Variants in PCDH7 observed in about 807,000 individuals in gnomAD.
The protein encoded by PCDH7 is protocadherin-7.
Under a neutral mutation model 58.9 loss-of-function variants are expected in PCDH7, and 17 were observed. The observed-to-expected ratio is 0.29, with a 90% CI of 0.20 to 0.43. PCDH7 has a LOEUF of 0.43. Ranked by LOEUF, PCDH7 falls within the 20% of genes least tolerant of loss-of-function variation. The pLI is 1.00. For missense variants in PCDH7, 1,274 were observed against 1,441.0 expected (o/e 0.88, Z 1.88); for synonymous variants, 664 against 616.4 (o/e 1.08, Z -1.14).
At chr4:31,092,508 T>C (rs925859691) in intron 3 of PCDH7, among the ~76,000 whole-genome samples, 5 of 152,070 alleles carry the variant, frequency 3.3e-5, no homozygotes, top group Non-Finnish European at 5.9e-5. Context: ...CCAATGGTTC[T>C]TAACTGATGT....
chr4:30,946,690 T>TTGTGTGTGTGTGTGTG (rs112524366), intron 2 of PCDH7, among the ~76,000 whole-genome samples: 7,644 of 137,480 alleles, frequency 0.056, 270 homozygotes, highest in Non-Finnish European at 0.068. Flanking sequence ...CTTATCTCTT[T>TTGTGTGTGTGTGTGTG]TGTGTGTGTG....
At chr4:30,941,530 T>C (rs759718397) in intron 2 of PCDH7, among the ~76,000 whole-genome samples, 13 of 151,964 alleles carry the variant, frequency 8.6e-5, no homozygotes, top group Non-Finnish European at 1.5e-4. Context: ...AAAGTTAGAA[T>C]ACAGTAGTTG....
At chr4:30,875,829 A>G (rs1306434571) in intron 1 of PCDH7, among the ~76,000 whole-genome samples, 1 of 152,120 alleles carries the variant, frequency 6.6e-6, no homozygotes, top group African/African-American at 2.4e-5. Flanking sequence ...TCACTTAGCA[A>G]AGATTTATTA....
At chr4:30,911,385 T>C (rs1298408878) in intron 1 of PCDH7, among the ~76,000 whole-genome samples, 1 of 143,468 alleles carries the variant, frequency 7.0e-6, no homozygotes, top group East Asian at 2.2e-4. Flanking sequence ...AGATGTTCTA[T>C]GGCTGTTTTT....
chr4:30,838,359 G>C (rs1486982151), intron 1 of PCDH7, among the ~76,000 whole-genome samples: 1 of 151,854 alleles, frequency 6.6e-6, no homozygotes, highest in African/African-American at 2.4e-5. Flanking sequence ...TCCTTTTCTG[G>C]AATGAACTCT....
At chr4:30,973,082 A>T (rs1303048992) in intron 3 of PCDH7, among the ~76,000 whole-genome samples, 3 of 152,238 alleles carry the variant, frequency 2.0e-5, no homozygotes, top group Non-Finnish European at 4.4e-5. Flanking sequence ...ATTCCCAAAA[A>T]ATGTGGAAAT....
At chr4:31,038,204 A>G (rs762554103) in intron 3 of PCDH7, among the ~76,000 whole-genome samples, 8 of 152,244 alleles carry the variant, frequency 5.3e-5, no homozygotes, top group Non-Finnish European at 1.0e-4. Context: ...AGATTGTTTG[A>G]TATCTAGTAT....
intron 1 of PCDH7, among the ~76,000 whole-genome samples, chr4:30,880,927 C>A (rs982283426): frequency 3.4e-4 from 51 of 152,044 alleles, no homozygotes; most frequent in Non-Finnish European, 6.9e-4. Context: ...TGGGTAGCTT[C>A]TTTTGTTTTC....
intron 1 of PCDH7, among the ~76,000 whole-genome samples, chr4:30,804,442 G>A (rs768302380): frequency 5.3e-5 from 8 of 151,938 alleles, no homozygotes; most frequent in Non-Finnish European, 8.8e-5. Context: ...AGGAGGCTGA[G>A]GCAGGGGAAT....
intron 3 of PCDH7, among the ~76,000 whole-genome samples, chr4:31,063,287 T>G (rs1757834012): frequency 6.6e-6 from 1 of 151,890 alleles, no homozygotes; most frequent in South Asian, 2.1e-4. Context: ...ATAACATAAC[T>G]TTAATACATG....
chr4:30,895,449 T>C (rs6817721), intron 1 of PCDH7, among the ~76,000 whole-genome samples: 20,508 of 152,052 alleles, frequency 0.13, 1,577 homozygotes, highest in African/African-American at 0.2. Context: ...ATGATGTATT[T>C]CTAATGTAGG....
At chr4:30,823,563 A>G (rs568316437) in intron 1 of PCDH7, among the ~76,000 whole-genome samples, 44 of 152,202 alleles carry the variant, frequency 2.9e-4, no homozygotes, top group African/African-American at 9.6e-4. Context: ...AGTCCCTGCA[A>G]ATTCAAATAT....
At chr4:30,751,173 C>A (rs997560220) in intron 1 of PCDH7, among the ~76,000 whole-genome samples, 1 of 152,220 alleles carries the variant, frequency 6.6e-6, no homozygotes, top group East Asian at 1.9e-4. Flanking sequence ...TTAAAAACTA[C>A]TTCCAACTTC....
chr4:31,116,332 A>G (rs1399408523), intron 3 of PCDH7, among the ~76,000 whole-genome samples: 5 of 152,216 alleles, frequency 3.3e-5, no homozygotes, highest in African/African-American at 1.2e-4. Context: ...CTGTTTGCAT[A>G]CTTTTCTGGT....
intron 3 of PCDH7, among the ~76,000 whole-genome samples, chr4:31,009,091 T>G (rs541451502): frequency 6.6e-6 from 1 of 152,236 alleles, no homozygotes; most frequent in East Asian, 1.9e-4. Context: ...GCATTGAGAA[T>G]GAATCCAATT....
intron 3 of PCDH7, among the ~76,000 whole-genome samples, chr4:31,099,265 T>TAAA (rs1714586236): frequency 6.6e-6 from 1 of 152,192 alleles, no homozygotes; most frequent in Non-Finnish European, 1.5e-5. Context: ...GTGTTGTAGG[T>TAAA]CTTGAGTTTT....
At chr4:31,041,091 C>A (rs2109204175) in intron 3 of PCDH7, among the ~76,000 whole-genome samples, 1 of 152,296 alleles carries the variant, frequency 6.6e-6, no homozygotes, top group South Asian at 2.1e-4. Flanking sequence ...TAATACTTCA[C>A]AAATTTGGAA....
At chr4:31,145,860 T>C (rs1294358873), downstream of PCDH7, 2 of 152,096 alleles carry the variant, frequency 1.3e-5, no homozygotes, top group African/African-American at 4.8e-5. Context: ...TTTATTTCTT[T>C]TTTGTTGTGT....
At chr4:30,900,991 C>A (rs1188372118) in intron 1 of PCDH7, among the ~76,000 whole-genome samples, 1 of 152,084 alleles carries the variant, frequency 6.6e-6, no homozygotes, top group African/African-American at 2.4e-5. Context: ...TTGATGTCAT[C>A]TTCATTGTTC....
Sources: allele counts gnomAD v4.1 joint callset (sites outside exome capture counted in the v4.1 genomes callset), GRCh38; gene constraint gnomAD v4.1.1; transcripts MANE v1.5; gene names NCBI Gene and HGNC (gene_info 2026-07-23, HGNC 2026-07-21).